MAMLD1: variants seen among roughly 807,000 people sequenced by gnomAD.
MAMLD1 encodes mastermind-like domain-containing protein 1.
A neutral mutation model predicts 45.0 loss-of-function variants in MAMLD1; 14 were observed. The observed-to-expected ratio is 0.31, with a 90% CI of 0.21 to 0.49. The LOEUF is 0.49. Among genes scored for constraint, MAMLD1 ranks in the 20% least tolerant of loss-of-function variants. MAMLD1 has a pLI of 0.99. For synonymous variants in MAMLD1, 254 were observed against 247.8 expected (o/e 1.02, Z -0.24); for missense variants, 543 against 603.6 (o/e 0.90, Z 1.05).
At position 150,511,264 on chromosome X, in the gene MAMLD1, G is replaced by A. The variant is rs781903176; in HGVS notation, c.*45-740G>A. ...GAGTGGACTCTCATGACAATGAGGG[G>A]AGATGTATTCCCCATCTTAGGCACC... On this transcript the variant is annotated intron_variant, in intron 7 of 7. Coordinates refer to ENST00000370401, the MANE Select transcript of MAMLD1 (RefSeq NM_005491.5). 4.5e-5 allele frequency among the ~76,000 whole-genome samples: 5 copies of A among 111,271 alleles called. No homozygotes were observed. In the South Asian group the frequency reaches 1.2e-3, roughly 26 times the overall value.
intron 1 of MAMLD1, among the ~76,000 whole-genome samples, chrX:150,401,867 T>C (rs1476291101): frequency 1.8e-5 from 2 of 109,882 alleles, no homozygotes; most frequent in Admixed American, 1.9e-4. Context: ...TGGCTAGCCA[T>C]ATGTAGAAAG....
At chrX:150,426,250 C>T (rs1384166915) in intron 1 of MAMLD1, among the ~76,000 whole-genome samples, 3 of 112,330 alleles carry the variant, frequency 2.7e-5, no homozygotes, top group Non-Finnish European at 5.6e-5. Flanking sequence ...TAGCTAGTCC[C>T]TAGTACAGCA....
chrX:150,505,175 C>A, intron 6 of MAMLD1: 1 of 513,076 alleles, frequency 1.9e-6, no homozygotes, highest in Non-Finnish European at 2.4e-6. Flanking sequence ...GTGACAGCTT[C>A]AGACCAGTTC....
At chrX:150,495,114 G>A (rs1383634586) in intron 5 of MAMLD1, among the ~76,000 whole-genome samples, 5 of 111,443 alleles carry the variant, frequency 4.5e-5, no homozygotes, top group Non-Finnish European at 7.5e-5. Context: ...GCTGAGGCAG[G>A]AGAATCCCTT....
chrX:150,378,149 C>T (rs782622915), intron 1 of MAMLD1, among the ~76,000 whole-genome samples: 11 of 112,016 alleles, frequency 9.8e-5, no homozygotes, highest in Non-Finnish European at 1.9e-4. Flanking sequence ...TTGAATGGTT[C>T]CTCAATCTGT....
chrX:150,486,210 C>T (rs1355147377), intron 5 of MAMLD1, among the ~76,000 whole-genome samples: 1 of 111,957 alleles, frequency 8.9e-6, no homozygotes, highest in Non-Finnish European at 1.9e-5. Flanking sequence ...CTAAGGCTGG[C>T]TCCCCCTTGT....
At position 150,512,017 on chromosome X, in the gene MAMLD1, A is replaced by G; in HGVS notation, c.*58A>G. ...TTCTGTATGTAGCCGTCCAAGAACA[A>G]GTCACCTCCAAGTGTAGCCGGATCA... is the stretch of plus-strand genomic sequence containing the variant. On this transcript the variant is annotated 3_prime_UTR_variant, in exon 8 of 8. Coordinates refer to ENST00000370401, the MANE Select transcript of MAMLD1 (RefSeq NM_005491.5). 1 of 1,089,942 alleles carries G rather than the reference A, an allele frequency of 9.2e-7. No homozygotes were observed. 89.8% of individuals were successfully genotyped at this position (1,089,942 alleles called of 1,213,427 possible). A position where few individuals can be genotyped will look rare whatever the true frequency, so the allele number is the denominator to read the frequency against.
At chrX:150,457,700 C>T (rs1930659) in intron 2 of MAMLD1, among the ~76,000 whole-genome samples, 11,429 of 111,298 alleles carry the variant, frequency 0.1, 512 homozygotes, top group Non-Finnish European at 0.13. Flanking sequence ...AACATGATGC[C>T]GGGTGAAAGA....
At position 150,470,649 on chromosome X, in the gene MAMLD1, C is replaced by A; in HGVS notation, c.1076C>A (p.Pro359Gln). 4 of 1,212,031 alleles carry A rather than the reference C, an allele frequency of 3.3e-6. No homozygotes were observed. The highest frequency in any genetic ancestry group is 4.5e-6 in the Non-Finnish European group (4 of 895,520). Residue 359 changes from proline to glutamine, a missense_variant, in exon 4 of 8, where the codon CCA (proline) becomes CAA (glutamine). Physicochemically the swap from Pro to Gln is moderately conservative, Grantham distance 76. Coordinates refer to ENST00000370401, the MANE Select transcript of MAMLD1 (RefSeq NM_005491.5). ...PPLPLPPPPP[P>Q]FSPQSLMVSC... is the part of the protein sequence containing the mutation. Reference sequence around the variant, plus strand: ...CTGCCACTGCCACCACCACCACCCCCATTCAGCCCCCAGAGCCTCATGGTG... The same window carrying A: ...CTGCCACTGCCACCACCACCACCCCAATTCAGCCCCCAGAGCCTCATGGTG...
upstream of MAMLD1, among the ~76,000 whole-genome samples, chrX:150,362,266 A>T (rs1373788087): frequency 9.0e-6 from 1 of 111,021 alleles, no homozygotes; most frequent in Non-Finnish European, 1.9e-5. Context: ...CCTGGCCGCT[A>T]GCCCTAGGGT....
At chrX:150,472,996 G>A (rs781916378) in intron 4 of MAMLD1, among the ~76,000 whole-genome samples, 2 of 112,091 alleles carry the variant, frequency 1.8e-5, no homozygotes, top group Admixed American at 9.4e-5. Context: ...GCTCTGAGTC[G>A]TCTTGCTAAA....
rs782798314 is a variant in MAMLD1 at position 150,513,248 on chromosome X, A to C, written c.*1289A>C. On this transcript the variant is annotated 3_prime_UTR_variant, in exon 8 of 8. Transcript: ENST00000370401. The stretch of plus-strand genomic sequence containing the variant: ...TGGTGATTTTTCAAGCTACGTGTAC[A>C]TATTTGAAAATTTTGTAAATGGTTT... The C allele has an allele frequency of 7.2e-6, 3 of 414,826 alleles. No homozygotes were observed. The highest frequency in any genetic ancestry group is 1.2e-5 in the Non-Finnish European group (3 of 247,625). 34.2% of individuals were successfully genotyped at this position (414,826 alleles called of 1,213,427 possible). A position where few individuals can be genotyped will look rare whatever the true frequency, so the allele number is the denominator to read the frequency against.
chrX:150,501,026 G>A (rs1318151093), intron 5 of MAMLD1, among the ~76,000 whole-genome samples: 1 of 111,659 alleles, frequency 9.0e-6, no homozygotes, highest in African/African-American at 3.3e-5. Flanking sequence ...CCACACTGTC[G>A]GGGTATCTTC....
chrX:150,389,115 C>T (rs1180841018), intron 1 of MAMLD1, among the ~76,000 whole-genome samples: 1 of 110,975 alleles, frequency 9.0e-6, no homozygotes, highest in Admixed American at 9.6e-5. Context: ...GGCATGATCT[C>T]GGCTCACTGC....
At chrX:150,449,697 C>G (rs1483470643) in intron 2 of MAMLD1, among the ~76,000 whole-genome samples, 1 of 111,400 alleles carries the variant, frequency 9.0e-6, no homozygotes, top group East Asian at 2.8e-4. Flanking sequence ...GCCTGTCTAT[C>G]TCTGGCCTCC....
chrX:150,481,482 A>C (rs1429710874), intron 5 of MAMLD1, among the ~76,000 whole-genome samples: 5 of 112,085 alleles, frequency 4.5e-5, no homozygotes, highest in African/African-American at 1.3e-4. Context: ...AAAAAATTAC[A>C]CAGAGAAATA....
chrX:150,378,707 T>A (rs1557401530), intron 1 of MAMLD1, among the ~76,000 whole-genome samples: 3 of 112,250 alleles, frequency 2.7e-5, no homozygotes, highest in Admixed American at 9.4e-5. Flanking sequence ...TTAGGTTGAC[T>A]TGTGCATTTT....
intron 1 of MAMLD1, among the ~76,000 whole-genome samples, chrX:150,398,338 GAAGAGGAAGA>G (rs2033591611): frequency 3.0e-5 from 2 of 67,496 alleles, no homozygotes; most frequent in Admixed American, 2.1e-4. Context: ...AGAAGAAGAA[GAAGAGGAAGA>G]GGAAGAGGAA....
At chrX:150,474,785 C>T (rs1241316258) in intron 5 of MAMLD1, among the ~76,000 whole-genome samples, 1 of 111,670 alleles carries the variant, frequency 9.0e-6, no homozygotes, top group Non-Finnish European at 1.9e-5. Context: ...ACTCTCACTC[C>T]GCTCCTCTCC....
Sources: allele counts gnomAD v4.1 joint callset (sites outside exome capture counted in the v4.1 genomes callset), GRCh38; gene constraint gnomAD v4.1.1; transcripts MANE v1.5; gene names NCBI Gene and HGNC (gene_info 2026-07-23, HGNC 2026-07-21).